RNASE1: variants seen among roughly 807,000 people sequenced by gnomAD.
RNASE1 encodes ribonuclease A family member 1, pancreatic.
For synonymous variants in RNASE1, 64 were observed against 78.6 expected, an observed-to-expected ratio of 0.81 and a Z score of 0.98; for missense variants, 203 against 201.0, an observed-to-expected ratio of 1.01 and a Z score of -0.06.
In RNASE1 at chr14:20,801,821, T is replaced by C. The variant is rs779112981; in HGVS notation, c.248A>G (p.Gln83Arg). The C allele has an allele frequency of 1.2e-6, 2 of 1,614,224 alleles. No individual in the cohort carries two copies. Among genetic ancestry groups the C allele is most frequent in the South Asian group, 1.1e-5 (1 of 91,086 alleles). ...GACCTTTTCCTGGAAACAGACATTCTGGACATCTACCAGGGGCTCGTGCAC... is the reference window on the plus strand; with the variant it reads ...GACCTTTTCCTGGAAACAGACATTCCGGACATCTACCAGGGGCTCGTGCAC... ...TFVHEPLVDVQNVCFQEKVTC... is the reference protein window; with the variant it reads ...TFVHEPLVDVRNVCFQEKVTC... The change falls in exon 2 of 2, where the codon CAG (glutamine) becomes CGG (arginine). Residue 83 changes from glutamine to arginine, a missense_variant. Transcript: ENST00000397967.
At position 20,801,514 on chromosome 14, in the gene RNASE1, C is replaced by A. The variant is rs1879385903; in HGVS notation, c.*84G>T. 2 of 1,171,184 alleles carry A rather than the reference C, an allele frequency of 1.7e-6. No individual in the cohort carries two copies. Among genetic ancestry groups the A allele is most frequent in the Non-Finnish European group, 2.5e-6 (2 of 799,896 alleles). The allele number at this position is 1,171,184 out of a possible 1,614,324, so 72.5% of individuals were successfully genotyped here. The stretch of plus-strand genomic sequence containing the variant: ...ATAGGAGCCCTAACTGTAGTTACTT[C>A]TTTCACAGCAGGGAAGGAAGAGGGA... On this transcript the variant is annotated 3_prime_UTR_variant, in exon 2 of 2. Coordinates refer to ENST00000397967, the MANE Select transcript of RNASE1 (RefSeq NM_002933.5).
rs1004151918 is a variant in RNASE1 at position 20,801,399 on chromosome 14, G to C, written c.*199C>G. ...GTTTTATTGAAAGAAAGAGTGGAGG[G>C]GTTAACATGGGGCCCACCTCACAAC... is the stretch of plus-strand genomic sequence containing the variant. On this transcript the variant is annotated 3_prime_UTR_variant, in exon 2 of 2. Transcript: ENST00000397967. The C allele has an allele frequency of 3.4e-6, 2 of 592,816 alleles. No homozygotes were observed. Among genetic ancestry groups the C allele is most frequent in the African/African-American group, 3.7e-5 (2 of 53,696 alleles). 36.7% of individuals were successfully genotyped at this position (592,816 alleles called of 1,614,324 possible). A position where few individuals can be genotyped will look rare whatever the true frequency, so the allele number is the denominator to read the frequency against.
chr14:20,802,285 C>T (rs1194580801), intron 1 of RNASE1, 192 bp from the exon 2 acceptor site: 18 of 532,168 alleles, frequency 3.4e-5, no homozygotes, highest in Non-Finnish European at 5.7e-5. Flanking sequence ...TTCCCACTCT[C>T]CAAAGCGAGG....
rs11545378 is a variant in RNASE1 at position 20,801,784 on chromosome 14, G to C, written c.285C>G (p.Asn95Lys). Reference protein sequence around the residue: ...VCFQEKVTCKNGQGNCYKSNS... With the variant: ...VCFQEKVTCKKGQGNCYKSNS... ...TGCTCTTGTAGCAGTTGCCCTGCCC[G>C]TTCTTGCAGGTGACCTTTTCCTGGA... Residue 95 changes from asparagine (N) to lysine (K), a missense_variant, in exon 2 of 2, where the codon AAC (asparagine) becomes AAG (lysine). Transcript: ENST00000397967. 33 of 1,614,094 alleles carry C rather than the reference G, an allele frequency of 2.0e-5. No individual in the cohort carries two copies. Among genetic ancestry groups the C allele is most frequent in the Non-Finnish European group, 2.5e-5 (30 of 1,180,040 alleles).
chr14:20,801,585 C>T lies in RNASE1; in HGVS notation c.*13G>A, dbSNP rs1026081478. On this transcript the variant is annotated 3_prime_UTR_variant, in exon 2 of 2. Transcript: ENST00000397967. ...TGAGGTTGAGGGAGGTGGGGTATCT[C>T]GCTGCTCTGACCTTAGGTAGAGTCC... 3.7e-6 allele frequency: 6 copies of T among 1,603,400 alleles called. No individual in the cohort carries two copies. The highest frequency in any genetic ancestry group is 2.2e-5 in the South Asian group (2 of 90,858).
At chr14:20,802,138 AAG>A (rs1879434609) in intron 1 of RNASE1, 45 bp from the exon 2 acceptor site, 1 of 1,223,832 alleles carries the variant, frequency 8.2e-7, no homozygotes, top group South Asian at 1.6e-5. Context: ...CTCTTAGAAA[AAG>A]AACTCCAGCT....
chr14:20,801,816 C>T lies in RNASE1; in HGVS notation c.253G>A (p.Val85Ile), dbSNP rs200900834. 3.7e-6 allele frequency: 6 copies of T among 1,614,182 alleles called. No individual in the cohort carries two copies. The Admixed American group carries it at 5.0e-5, about 13-fold the overall frequency. ...CAGGTGACCTTTTCCTGGAAACAGA[C>T]ATTCTGGACATCTACCAGGGGCTCG... ...VHEPLVDVQN[V>I]CFQEKVTCKN... Residue 85 changes from valine (V) to isoleucine (I), a missense_variant, in exon 2 of 2, where the codon GTC becomes ATC. By Grantham distance (29) the Val-to-Ile change is conservative. Transcript: ENST00000397967.
At position 20,801,892 on chromosome 14, in the gene RNASE1, C is replaced by T; in HGVS notation, c.177G>A (p.Arg59=). The T allele has an allele frequency of 6.2e-7, 1 of 1,614,112 alleles. No individual in the cohort carries two copies. Among genetic ancestry groups the T allele is most frequent in the Non-Finnish European group, 8.5e-7 (1 of 1,179,990 alleles). Residue 59 remains arginine (R), a synonymous_variant, in exon 2 of 2, where the codon AGG becomes AGA. Coordinates refer to ENST00000397967, the MANE Select transcript of RNASE1 (RefSeq NM_002933.5). ...SSSTYCNQMM[R]RRNMTQGRCK... ...ACCGCCCCTGTGTCATATTCCGGCGCCTCATCATTTGGTTACAGTAGGTGG... is the reference window on the plus strand; with the variant it reads ...ACCGCCCCTGTGTCATATTCCGGCGTCTCATCATTTGGTTACAGTAGGTGG...
chr14:20,801,797 A>C lies in RNASE1; in HGVS notation c.272T>G (p.Val91Gly). 4 of 1,614,130 alleles carry C rather than the reference A, an allele frequency of 2.5e-6. No individual in the cohort carries two copies. The highest frequency in any genetic ancestry group is 3.4e-6 in the Non-Finnish European group (4 of 1,180,036). ...DVQNVCFQEKVTCKNGQGNCY... is the reference protein window; with the variant it reads ...DVQNVCFQEKGTCKNGQGNCY... ...GTTGCCCTGCCCGTTCTTGCAGGTGACCTTTTCCTGGAAACAGACATTCTG... is the reference window on the plus strand; with the variant it reads ...GTTGCCCTGCCCGTTCTTGCAGGTGCCCTTTTCCTGGAAACAGACATTCTG... The change falls in exon 2 of 2, where the codon GTC becomes GGC. Residue 91 changes from valine (V) to glycine (G), a missense_variant. By Grantham distance (109) the Val-to-Gly change is moderately radical (BLOSUM62 -3). Transcript: ENST00000397967.
In RNASE1 at chr14:20,801,767, T is replaced by A. The variant is rs754970022; in HGVS notation, c.302A>T (p.Tyr101Phe). ...GATGTGCATGCTGGAGTTGCTCTTG[T>A]AGCAGTTGCCCTGCCCGTTCTTGCA... is the stretch of plus-strand genomic sequence containing the variant. ...VTCKNGQGNC[Y>F]KSNSSMHITD... The change falls in exon 2 of 2, where the codon TAC becomes TTC. Residue 101 changes from tyrosine (Y) to phenylalanine (F), a missense_variant. By Grantham distance (22) the Tyr-to-Phe change is conservative. Transcript: ENST00000397967. 2.1e-5 allele frequency: 34 copies of A among 1,614,072 alleles called. No homozygotes were observed. Among genetic ancestry groups the A allele is most frequent in the Non-Finnish European group, 2.6e-5 (31 of 1,180,050 alleles).
Position 20,802,007 on chromosome 14 carries a change from C to T in RNASE1, c.62G>A (p.Gly21Asp), listed in dbSNP as rs141923373. ...LLLVLILLVL[G>D]WVQPSLGKES... The stretch of plus-strand genomic sequence containing the variant: ...CTTGCCCAGGGAAGGCTGGACCCAG[C>T]CCAGCACCAGCAGTATCAGGACAAG... Residue 21 changes from glycine to aspartate, a missense_variant, in exon 2 of 2, where the codon GGC becomes GAC. Physicochemically the swap from Gly to Asp is moderately conservative, Grantham distance 94. Coordinates refer to ENST00000397967, the MANE Select transcript of RNASE1 (RefSeq NM_002933.5). The T allele has an allele frequency of 4.2e-4, 683 of 1,610,086 alleles. 5 individuals are homozygous for T. In the African/African-American group the frequency reaches 8.2e-3, roughly 19 times the overall value.
In RNASE1 at chr14:20,802,295, G is replaced by A. The variant is rs186998059; in HGVS notation, c.-25-202C>T. On this transcript the variant is annotated intron_variant, in intron 1 of 1. Coordinates refer to ENST00000397967, the MANE Select transcript of RNASE1 (RefSeq NM_002933.5). Reference sequence around the variant, plus strand: ...TTTTATTCCCACTCTCCAAAGCGAGGTCTTCCTCCCCTCTAGGTGGTGACC... The same window carrying A: ...TTTTATTCCCACTCTCCAAAGCGAGATCTTCCTCCCCTCTAGGTGGTGACC... 697 of 518,134 alleles carry A rather than the reference G, an allele frequency of 1.3e-3. 2 individuals carry two copies. Among genetic ancestry groups the A allele is most frequent in the Non-Finnish European group, 1.9e-3 (558 of 290,836 alleles). The allele number at this position is 518,134 out of a possible 1,614,324, so 32.1% of individuals were successfully genotyped here. A position where few individuals can be genotyped will look rare whatever the true frequency, so the allele number is the denominator to read the frequency against.
At position 20,801,348 on chromosome 14, in the gene RNASE1, T is replaced by C. The variant is rs17254352; in HGVS notation, c.*250A>G. On this transcript the variant is annotated 3_prime_UTR_variant, in exon 2 of 2. Coordinates refer to ENST00000397967, the MANE Select transcript of RNASE1 (RefSeq NM_002933.5). ...AGAAACAGTACCTAGACAGAACCGC[T>C]TCAGAAATCAGGTGTTTGCAACTGC... The C allele has an allele frequency of 9.2e-3, 4,991 of 540,576 alleles. 58 individuals are homozygous for C. The highest frequency in any genetic ancestry group is 0.046 in the East Asian group (1,495 of 32,614). The allele number at this position is 540,576 out of a possible 1,614,324, so 33.5% of individuals were successfully genotyped here.
intron 1 of RNASE1, 128 bp downstream of exon 1, chr14:20,802,669 T>A (rs1385494316): frequency 6.5e-6 from 1 of 153,228 alleles, no homozygotes; most frequent in Non-Finnish European, 1.5e-5. Context: ...AGCTGATGTT[T>A]GCCTGGGCCA....
At position 20,801,578 on chromosome 14, in the gene RNASE1, G is replaced by T; in HGVS notation, c.*20C>A. ...GAGAGGATGAGGTTGAGGGAGGTGG[G>T]GTATCTCGCTGCTCTGACCTTAGGT... On this transcript the variant is annotated 3_prime_UTR_variant, in exon 2 of 2. Coordinates refer to ENST00000397967, the MANE Select transcript of RNASE1 (RefSeq NM_002933.5). 1 of 1,591,870 alleles carries T rather than the reference G, an allele frequency of 6.3e-7. No homozygotes were observed.
Position 20,801,700 on chromosome 14 carries a change from A to C in RNASE1, c.369T>G (p.Cys123Trp), listed in dbSNP as rs1377475829. ...TCTCCTTCGGGCTGGTCCGGTATGC[A>C]CAGTTGGGGTACCTGGAGCCGTTTG... is the stretch of plus-strand genomic sequence containing the variant. ...RLTNGSRYPN[C>W]AYRTSPKERH... Residue 123 changes from cysteine to tryptophan, a missense_variant, in exon 2 of 2, where the codon TGT becomes TGG. Physicochemically the swap from Cys to Trp is radical, Grantham distance 215. Coordinates refer to ENST00000397967, the MANE Select transcript of RNASE1 (RefSeq NM_002933.5). The C allele has an allele frequency of 6.2e-7, 1 of 1,613,950 alleles. No homozygotes were observed. The highest frequency in any genetic ancestry group is 1.3e-5 in the African/African-American group (1 of 74,876).
Position 20,801,714 on chromosome 14 carries a change from T to C in RNASE1, c.355A>G (p.Arg119Gly). Residue 119 changes from arginine (R) to glycine (G), a missense_variant, in exon 2 of 2, where the codon AGG becomes GGG. Coordinates refer to ENST00000397967, the MANE Select transcript of RNASE1 (RefSeq NM_002933.5). ...GTCCGGTATGCACAGTTGGGGTACC[T>C]GGAGCCGTTTGTCAGGCGGCAGTCT... is the stretch of plus-strand genomic sequence containing the variant. ...ITDCRLTNGS[R>G]YPNCAYRTSP... 1 of 1,614,216 alleles carries C rather than the reference T, an allele frequency of 6.2e-7. No homozygotes were observed. Among genetic ancestry groups the C allele is most frequent in the Non-Finnish European group, 8.5e-7 (1 of 1,180,030 alleles).
At chr14:20,802,313 T>C in intron 1 of RNASE1, 1 of 485,418 alleles carries the variant, frequency 2.1e-6, no homozygotes, top group Non-Finnish European at 3.7e-6. Context: ...CCCCTCTAGG[T>C]GGTGACCTAC....
At position 20,801,812 on chromosome 14, in the gene RNASE1, C is replaced by T; in HGVS notation, c.257G>A (p.Cys86Tyr). ...HEPLVDVQNV[C>Y]FQEKVTCKNG... ...CTTGCAGGTGACCTTTTCCTGGAAA[C>T]AGACATTCTGGACATCTACCAGGGG... The change falls in exon 2 of 2, where the codon TGT (cysteine) becomes TAT (tyrosine). Residue 86 changes from cysteine to tyrosine, a missense_variant. By Grantham distance (194) the Cys-to-Tyr change is radical. Coordinates refer to ENST00000397967, the MANE Select transcript of RNASE1 (RefSeq NM_002933.5). 1 of 1,614,226 alleles carries T rather than the reference C, an allele frequency of 6.2e-7. No homozygotes were observed. The highest frequency in any genetic ancestry group is 8.5e-7 in the Non-Finnish European group (1 of 1,180,038).
Sources: allele counts gnomAD v4.1 joint callset, GRCh38; gene constraint gnomAD v4.1.1; transcripts MANE v1.5; gene names NCBI Gene and HGNC (gene_info 2026-07-23, HGNC 2026-07-21).